The following SCAPER variants were observed in gnomAD, a reference collection of about 807,000 sequenced individuals.
The protein encoded by SCAPER is S phase cyclin A-associated protein in the endoplasmic reticulum.
Under a neutral mutation model 182.2 loss-of-function variants are expected in SCAPER, and 98 were observed. The ratio of observed to expected loss-of-function variants is 0.54; its 90% CI spans 0.46 to 0.64. The LOEUF is 0.64. Among genes scored for constraint, SCAPER ranks in the 30% least tolerant of loss-of-function variants. The pLI is 0.00. For synonymous variants in SCAPER, 605 were observed against 564.6 expected, an observed-to-expected ratio of 1.07 and a Z score of -1.01; for missense variants, 1,432 against 1,690.0, an observed-to-expected ratio of 0.85 and a Z score of 2.68.
intron 4 of SCAPER, among the ~76,000 whole-genome samples, chr15:76,846,739 G>A (rs11632365): frequency 0.22 from 32,708 of 151,918 alleles, 4,382 homozygotes; most frequent in East Asian, 0.48. Flanking sequence ...ATGGAACCCT[G>A]GTACACTGCT....
intron 21 of SCAPER, among the ~76,000 whole-genome samples, chr15:76,664,000 A>T (rs1056034884): frequency 7.3e-5 from 11 of 151,288 alleles, no homozygotes; most frequent in South Asian, 2.1e-4. Flanking sequence ...AGTTACATTT[A>T]AAAAAAAAGG....
chr15:76,726,871 G>C lies in SCAPER; in HGVS notation c.2165+1724C>G, dbSNP rs141455133. 7.0e-4 allele frequency among the ~76,000 whole-genome samples: 106 copies of C among 152,140 alleles called. 2 individuals are homozygous for C. The East Asian group carries it at 0.018, about 25-fold the overall frequency. On this transcript the variant is annotated intron_variant, in intron 17 of 31. Transcript: ENST00000563290. ...GAGAATAGGGAGTTACTACTTAGTAGATAGAACACTTCAGTCTCGGAAACT... is the reference window on the plus strand; with the variant it reads ...GAGAATAGGGAGTTACTACTTAGTACATAGAACACTTCAGTCTCGGAAACT...
intron 5 of SCAPER, among the ~76,000 whole-genome samples, chr15:76,817,749 A>G (rs977861264): frequency 2.0e-5 from 3 of 152,222 alleles, no homozygotes; most frequent in African/African-American, 7.2e-5. Context: ...AATATGAAAT[A>G]CTTAGGTATA....
chr15:76,694,978 TTAA>T (rs2058575670), intron 20 of SCAPER, among the ~76,000 whole-genome samples: 1 of 152,060 alleles, frequency 6.6e-6, no homozygotes, highest in Non-Finnish European at 1.5e-5. Context: ...TCAACACAAA[TTAA>T]TAACGATTTA....
intron 8 of SCAPER, among the ~76,000 whole-genome samples, chr15:76,790,840 A>G (rs1056874841): frequency 6.6e-6 from 1 of 152,170 alleles, no homozygotes; most frequent in Non-Finnish European, 1.5e-5. Context: ...TTCATTCTAT[A>G]GTCCTTGGGT....
chr15:76,512,540 C>G (rs568669475), intron 23 of SCAPER, among the ~76,000 whole-genome samples: 1 of 151,938 alleles, frequency 6.6e-6, no homozygotes, highest in Non-Finnish European at 1.5e-5. Flanking sequence ...AGCAGCACCA[C>G]TGCTATTCCT....
At chr15:76,677,202 G>T (rs2146944531) in intron 20 of SCAPER, among the ~76,000 whole-genome samples, 1 of 152,170 alleles carries the variant, frequency 6.6e-6, no homozygotes, top group East Asian at 1.9e-4. Context: ...TTTAAAATGT[G>T]ACTTCTAGCC....
At chr15:76,849,213 G>T (rs1260902154) in intron 4 of SCAPER, among the ~76,000 whole-genome samples, 1 of 152,176 alleles carries the variant, frequency 6.6e-6, no homozygotes, top group Non-Finnish European at 1.5e-5. Flanking sequence ...AACACCCTCA[G>T]TAACAGTGGC....
intron 5 of SCAPER, among the ~76,000 whole-genome samples, chr15:76,835,936 A>C (rs2068911090): frequency 6.6e-6 from 1 of 150,424 alleles, no homozygotes; most frequent in African/African-American, 2.4e-5. Flanking sequence ...TTAGCCACAA[A>C]AAAAAAAAAA....
rs551332250 is a variant in SCAPER at position 76,807,775 on chromosome 15, A to G, written c.394-3142T>C. Among the ~76,000 whole-genome samples the G allele has an allele frequency of 3.3e-5, 5 of 150,310 alleles. No homozygotes were observed. In the East Asian group the frequency reaches 9.9e-4, roughly 30 times the overall value. ...AGAAGAATTCACTCGAAAAATCGCT[A>G]AAGTTGGGAATTATTTGGGTGATGG... On this transcript the variant is annotated intron_variant, in intron 5 of 31. Transcript: ENST00000563290.
intron 20 of SCAPER, among the ~76,000 whole-genome samples, chr15:76,688,920 C>A: frequency 6.8e-6 from 1 of 146,104 alleles, no homozygotes; most frequent in East Asian, 2.0e-4. Flanking sequence ...ACGATCTCGG[C>A]TCACTGCAAT....
intron 23 of SCAPER, among the ~76,000 whole-genome samples, chr15:76,551,435 G>A (rs1327070497): frequency 6.6e-6 from 1 of 152,148 alleles, no homozygotes; most frequent in African/African-American, 2.4e-5. Flanking sequence ...AGGACATTAT[G>A]TTAAGTGAAA....
intron 5 of SCAPER, among the ~76,000 whole-genome samples, chr15:76,838,063 G>A (rs1371836473): frequency 6.6e-6 from 1 of 152,090 alleles, no homozygotes; most frequent in African/African-American, 2.4e-5. Context: ...TATACCCAAA[G>A]GAACATAAAC....
chr15:76,685,935 T>C (rs1474545147), intron 20 of SCAPER, among the ~76,000 whole-genome samples: 1 of 152,026 alleles, frequency 6.6e-6, no homozygotes, highest in Non-Finnish European at 1.5e-5. Context: ...TCTAAGTGGA[T>C]TGAAGATTTA....
At chr15:76,632,768 CT>C (rs1188058843) in intron 21 of SCAPER, among the ~76,000 whole-genome samples, 2,149 of 104,482 alleles carry the variant, frequency 0.021, 22 homozygotes, top group African/African-American at 0.079. Flanking sequence ...AGGCTGCTGA[CT>C]TTTTTTTTTT....
At chr15:76,602,224 G>C (rs2049979763) in intron 22 of SCAPER, among the ~76,000 whole-genome samples, 1 of 121,394 alleles carries the variant, frequency 8.2e-6, no homozygotes, top group South Asian at 2.5e-4. Context: ...TATTCCTTTT[G>C]TTATACAGAT....
At chr15:76,740,295 G>A (rs2061473649) in intron 15 of SCAPER, among the ~76,000 whole-genome samples, 1 of 152,090 alleles carries the variant, frequency 6.6e-6, no homozygotes, top group Admixed American at 6.6e-5. Context: ...TAAAGATAAA[G>A]ATAAACAGTA....
At chr15:76,849,702 C>T (rs2070510335) in intron 4 of SCAPER, among the ~76,000 whole-genome samples, 1 of 152,210 alleles carries the variant, frequency 6.6e-6, no homozygotes, top group African/African-American at 2.4e-5. Flanking sequence ...TAAGCACCAC[C>T]TACTGGATCA....
chr15:76,456,004 C>T (rs2048705742), intron 25 of SCAPER, among the ~76,000 whole-genome samples: 1 of 152,210 alleles, frequency 6.6e-6, no homozygotes, highest in African/African-American at 2.4e-5. Context: ...ACTCAGAATT[C>T]TGTTTTATGG....
Sources: allele counts gnomAD v4.1 joint callset (sites outside exome capture counted in the v4.1 genomes callset), GRCh38; gene constraint gnomAD v4.1.1; transcripts MANE v1.5; gene names NCBI Gene and HGNC (gene_info 2026-07-23, HGNC 2026-07-21).